CDH18: variants seen among roughly 807,000 people sequenced by gnomAD.
CDH18 encodes the protein cadherin 18.
A neutral mutation model predicts 67.9 loss-of-function variants in CDH18; 31 were observed. The observed-to-expected ratio is 0.46, with a 90% CI of 0.34 to 0.62. CDH18 has a LOEUF of 0.62. Ranked by LOEUF, CDH18 falls within the 20% of genes least tolerant of loss-of-function variation. The pLI is 0.01. For missense variants in CDH18, 890 were observed against 975.5 expected, an observed-to-expected ratio of 0.91 and a Z score of 1.17; for synonymous variants, 362 against 347.2, an observed-to-expected ratio of 1.04 and a Z score of -0.48.
intron 3 of CDH18, among the ~76,000 whole-genome samples, chr5:19,790,083 G>A (rs1776200889): frequency 6.6e-6 from 1 of 151,808 alleles, no homozygotes; most frequent in African/African-American, 2.4e-5. Flanking sequence ...CCCATCACAG[G>A]ACTCATTGCA....
At chr5:20,351,970 T>C (rs985079865) in intron 1 of CDH18, among the ~76,000 whole-genome samples, 5 of 152,300 alleles carry the variant, frequency 3.3e-5, no homozygotes, top group East Asian at 1.9e-4. Context: ...ACCTCTTCTA[T>C]CCAGCTAAAG....
chr5:20,338,306 C>T (rs1020886362), intron 1 of CDH18, among the ~76,000 whole-genome samples: 2 of 152,184 alleles, frequency 1.3e-5, no homozygotes, highest in Non-Finnish European at 2.9e-5. Flanking sequence ...AAGCCCCAAA[C>T]CTCTCTTTAC....
rs776798966 is a variant in CDH18, at chr5:19,640,106, G to A, written c.644-27505C>T. 1.8e-4 allele frequency among the ~76,000 whole-genome samples: 27 copies of A among 152,148 alleles called. 1 individual carries two copies. Among genetic ancestry groups the A allele is most frequent in the Non-Finnish European group, 2.8e-4 (19 of 68,012 alleles). ...TATCACTACTAGATCTGTCTTATGA[G>A]AAATGCTTCAGGTAGTTCTTCAAGT... On this transcript the variant is annotated intron_variant, in intron 5 of 12. Coordinates refer to ENST00000382275, the MANE Select transcript of CDH18 (RefSeq NM_004934.5).
chr5:20,481,491 C>T (rs2457031), intron 1 of CDH18, among the ~76,000 whole-genome samples: 4 of 151,920 alleles, frequency 2.6e-5, no homozygotes, highest in African/African-American at 2.4e-5. Context: ...GAGAAAATGT[C>T]GTTCGACAGC....
intron 11 of CDH18, among the ~76,000 whole-genome samples, chr5:19,490,799 G>A (rs1226793694): frequency 6.6e-6 from 1 of 152,026 alleles, no homozygotes; most frequent in African/African-American, 2.4e-5. Context: ...TTGTGAGTAG[G>A]AGTAAAAAGG....
In CDH18 at chr5:19,948,135, A is replaced by G. The variant is rs1229497516; in HGVS notation, c.-257+32925T>C. Among the ~76,000 whole-genome samples the G allele has an allele frequency of 2.0e-5, 3 of 152,198 alleles. No individual in the cohort carries two copies. The East Asian group carries it at 5.8e-4, about 29-fold the overall frequency. On this transcript the variant is annotated intron_variant, in intron 2 of 12. Coordinates refer to ENST00000382275, the MANE Select transcript of CDH18 (RefSeq NM_004934.5). ...TAAAAATATGTTGATGAAGACATAGAAAAACTGGATCATTCATGTGTTACT... is the reference window on the plus strand; with the variant it reads ...TAAAAATATGTTGATGAAGACATAGGAAAACTGGATCATTCATGTGTTACT...
intron 2 of CDH18, among the ~76,000 whole-genome samples, chr5:19,868,775 A>G (rs997403178): frequency 6.6e-6 from 1 of 152,178 alleles, no homozygotes; most frequent in Non-Finnish European, 1.5e-5. Context: ...AAAAAATAGC[A>G]TAAAAGACCA....
chr5:19,899,485 ACT>A (rs1789701390), intron 2 of CDH18, among the ~76,000 whole-genome samples: 1 of 152,040 alleles, frequency 6.6e-6, no homozygotes, highest in Non-Finnish European at 1.5e-5. Flanking sequence ...AATAAGTTGG[ACT>A]CTGTGTAAAC....
At chr5:19,897,822 T>C (rs1056035883) in intron 2 of CDH18, among the ~76,000 whole-genome samples, 3 of 152,116 alleles carry the variant, frequency 2.0e-5, no homozygotes, top group South Asian at 2.1e-4. Flanking sequence ...GACTATTTAT[T>C]TGAAATTCAA....
chr5:20,457,467 T>C (rs1750917869), intron 1 of CDH18, among the ~76,000 whole-genome samples: 1 of 152,118 alleles, frequency 6.6e-6, no homozygotes, highest in Non-Finnish European at 1.5e-5. Flanking sequence ...GATGAGCAAA[T>C]GGACAAAAAG....
At chr5:19,805,979 CT>C (rs1200556558) in intron 3 of CDH18, among the ~76,000 whole-genome samples, 1 of 152,118 alleles carries the variant, frequency 6.6e-6, no homozygotes, top group Admixed American at 6.5e-5. Context: ...CAGGATTGTA[CT>C]CAGTCACCCA....
chr5:19,532,959 A>G (rs1748873650), intron 9 of CDH18, among the ~76,000 whole-genome samples: 1 of 152,206 alleles, frequency 6.6e-6, no homozygotes, highest in African/African-American at 2.4e-5. Context: ...ATTTACCTGC[A>G]GCATGTCGAG....
intron 1 of CDH18, among the ~76,000 whole-genome samples, chr5:20,320,273 T>C (rs1463573835): frequency 1.3e-5 from 2 of 152,162 alleles, no homozygotes; most frequent in African/African-American, 4.8e-5. Context: ...TCTTCTTTTA[T>C]ATAAGGTACA....
At chr5:20,128,681 A>G (rs528070462) in intron 2 of CDH18, among the ~76,000 whole-genome samples, 1 of 152,126 alleles carries the variant, frequency 6.6e-6, no homozygotes, top group Non-Finnish European at 1.5e-5. Context: ...AGAACAAAAT[A>G]TGAGTTTGTA....
chr5:19,814,160 T>C lies in CDH18; in HGVS notation c.228+24599A>G, dbSNP rs558624112. Among the ~76,000 whole-genome samples the C allele has an allele frequency of 3.3e-5, 5 of 151,464 alleles. No individual in the cohort carries two copies. The South Asian group carries it at 1.0e-3, about 31-fold the overall frequency. ...AATAAATAAAGTCTCAATAGACTAT[T>C]GAGACTTTATTTATGTTTCAAAAAT... On this transcript the variant is annotated intron_variant, in intron 3 of 12. Transcript: ENST00000382275.
At chr5:19,653,972 G>A (rs1755952807) in intron 5 of CDH18, among the ~76,000 whole-genome samples, 1 of 152,142 alleles carries the variant, frequency 6.6e-6, no homozygotes, top group Non-Finnish European at 1.5e-5. Flanking sequence ...AGAAGAGGCT[G>A]GAGTGTGACT....
chr5:20,105,909 AT>A (rs1025495147), intron 2 of CDH18, among the ~76,000 whole-genome samples: 9 of 152,068 alleles, frequency 5.9e-5, no homozygotes, highest in African/African-American at 2.2e-4. Flanking sequence ...GTCTGAGGGC[AT>A]TTTTAATTTT....
intron 2 of CDH18, among the ~76,000 whole-genome samples, chr5:20,111,230 C>T (rs979422616): frequency 2.6e-5 from 4 of 152,126 alleles, no homozygotes; most frequent in African/African-American, 7.2e-5. Flanking sequence ...TTTCTTTTCT[C>T]TTCCTAAGTA....
intron 1 of CDH18, among the ~76,000 whole-genome samples, chr5:20,508,618 T>A (rs1297277804): frequency 1.3e-5 from 2 of 151,862 alleles, no homozygotes; most frequent in Non-Finnish European, 1.5e-5. Flanking sequence ...GGTAAAGAAA[T>A]AAGTTGATTA....
Sources: gnomAD v4.1 joint callset for allele counts (sites outside exome capture counted in the v4.1 genomes callset) on GRCh38, gnomAD v4.1.1 for gene constraint, MANE v1.5 for transcripts, NCBI Gene and HGNC (gene_info 2026-07-23, HGNC 2026-07-21) for gene names.